CLNK: variants seen among roughly 807,000 people sequenced by gnomAD.
The protein encoded by CLNK is cytokine dependent hematopoietic cell linker.
In CLNK, 74 loss-of-function variants were observed where a neutral mutation model predicts 68.6. The observed-to-expected ratio is 1.08, with a 90% CI of 0.89 to 1.31. The LOEUF (loss-of-function observed/expected upper bound fraction) is 1.31, where lower values mean the gene tolerates loss of function less well. Ranked by LOEUF, CLNK falls within the 50% of genes most tolerant of loss-of-function variation. The pLI is 0.00. For synonymous variants in CLNK, 198 were observed against 172.2 expected (o/e 1.15, Z -1.17); for missense variants, 553 against 515.3 (o/e 1.07, Z -0.71).
intron 1 of CLNK, among the ~76,000 whole-genome samples, chr4:10,668,334 A>G (rs1171932830): frequency 6.6e-6 from 1 of 152,182 alleles, no homozygotes; most frequent in Non-Finnish European, 1.5e-5. Flanking sequence ...ACAGTTCTAT[A>G]TCACTTTACG....
chr4:10,563,283 A>G (rs766062423), intron 7 of CLNK, among the ~76,000 whole-genome samples: 1 of 152,252 alleles, frequency 6.6e-6, no homozygotes, highest in South Asian at 2.1e-4. Flanking sequence ...TTTAAAAAAT[A>G]CAACTGAAAA....
intron 5 of CLNK, among the ~76,000 whole-genome samples, chr4:10,568,572 CAAGA>C (rs1720214930): frequency 2.0e-5 from 3 of 152,024 alleles, no homozygotes; most frequent in Admixed American, 2.0e-4. Context: ...AGGAAGTAGA[CAAGA>C]AAGAAAGAGA....
chr4:10,621,667 GA>G (rs1425857770), intron 2 of CLNK, among the ~76,000 whole-genome samples: 1 of 152,046 alleles, frequency 6.6e-6, no homozygotes, highest in Non-Finnish European at 1.5e-5. Context: ...CCTCCAGGAT[GA>G]CATTAGGAAC....
the CLNK span, among the ~76,000 whole-genome samples, chr4:10,733,980 G>C: frequency 6.6e-6 from 1 of 152,142 alleles, no homozygotes; most frequent in Non-Finnish European, 1.5e-5. Flanking sequence ...TGGCCCATTA[G>C]AGATACATAT....
chr4:10,678,622 A>G (rs1724962714), intron 1 of CLNK, among the ~76,000 whole-genome samples: 1 of 152,180 alleles, frequency 6.6e-6, no homozygotes, highest in Non-Finnish European at 1.5e-5. Context: ...AATATCTAGA[A>G]AACCCCATCA....
Position 10,616,805 on chromosome 4 carries a change from TATATATATATATATATATAC to T in CLNK, c.12-18776_12-18757del, listed in dbSNP as rs1001433705. Among the ~76,000 whole-genome samples the T allele has an allele frequency of 1.6e-3, 120 of 77,368 alleles. 1 individual carries two copies. The highest frequency in any genetic ancestry group is 5.4e-3 in the African/African-American group (103 of 19,222). The allele number at this position is 77,368 out of a possible 152,430, so 50.8% of individuals were successfully genotyped here. A position where few individuals can be genotyped will look rare whatever the true frequency, so the allele number is the denominator to read the frequency against. ...GTGTGTGTGTGTATATATATATATA[TATATATATATATATATATAC>T]ACGCATTTTTTTTTCTAGAGAATTG... On this transcript the variant is annotated intron_variant, in intron 2 of 18. Transcript: ENST00000226951.
intron 14 of CLNK, among the ~76,000 whole-genome samples, chr4:10,524,575 C>T (rs1025946620): frequency 6.6e-6 from 1 of 152,126 alleles, no homozygotes; most frequent in South Asian, 2.1e-4. Flanking sequence ...CAGGGATAGT[C>T]AGGATTTATG....
At chr4:10,496,127 G>C (rs1228961700) in intron 18 of CLNK, among the ~76,000 whole-genome samples, 2 of 152,096 alleles carry the variant, frequency 1.3e-5, no homozygotes, top group Non-Finnish European at 2.9e-5. Flanking sequence ...ATCAACTCAT[G>C]TCACACTCAA....
chr4:10,605,708 G>A (rs184090362), intron 2 of CLNK, among the ~76,000 whole-genome samples: 121 of 149,882 alleles, frequency 8.1e-4, no homozygotes, highest in African/African-American at 2.8e-3. Flanking sequence ...CACACCTGTA[G>A]TCTCAGCTAC....
At chr4:10,563,249 T>TA (rs1719968834) in intron 7 of CLNK, among the ~76,000 whole-genome samples, 1 of 152,140 alleles carries the variant, frequency 6.6e-6, no homozygotes. Flanking sequence ...TGGTGCAAAC[T>TA]AAAAAAGAAT....
chr4:10,535,215 G>GAAAGAAAGAAAA (rs1491065085), intron 11 of CLNK, among the ~76,000 whole-genome samples: 6 of 67,930 alleles, frequency 8.8e-5, no homozygotes, highest in African/African-American at 4.2e-4. Context: ...GAAAGAAAGA[G>GAAAGAAAGAAAA]AAAGAAAGAA....
At chr4:10,567,529 T>C (rs1720168882) in intron 5 of CLNK, among the ~76,000 whole-genome samples, 1 of 152,136 alleles carries the variant, frequency 6.6e-6, no homozygotes, top group South Asian at 2.1e-4. Context: ...TAGGCAATGA[T>C]TACTTAGATA....
intron 3 of CLNK, among the ~76,000 whole-genome samples, chr4:10,597,227 T>G (rs1721418373): frequency 6.6e-6 from 1 of 152,192 alleles, no homozygotes; most frequent in South Asian, 2.1e-4. Context: ...TGAGGACCCT[T>G]GGGTGCCTCC....
intron 2 of CLNK, 63 bp downstream of exon 2, chr4:10,667,796 A>G (rs865866278): frequency 2.7e-6 from 4 of 1,476,052 alleles, no homozygotes; most frequent in Non-Finnish European, 3.6e-6. Flanking sequence ...ATCTTCCAGA[A>G]AACACCTCCT....
the CLNK span, among the ~76,000 whole-genome samples, chr4:10,693,939 T>A: frequency 6.6e-6 from 1 of 152,156 alleles, no homozygotes; most frequent in Non-Finnish European, 1.5e-5. Context: ...CCAGAAATCC[T>A]ATGAATAGCA....
chr4:10,653,379 T>C (rs1723832111), intron 2 of CLNK, among the ~76,000 whole-genome samples: 1 of 121,492 alleles, frequency 8.2e-6, no homozygotes, highest in South Asian at 2.6e-4. Flanking sequence ...GAACGTAAAA[T>C]AAACTCTCAA....
chr4:10,643,686 A>AC (rs2108877438), intron 2 of CLNK, among the ~76,000 whole-genome samples: 1 of 152,220 alleles, frequency 6.6e-6, no homozygotes, highest in East Asian at 1.9e-4. Flanking sequence ...TTTCTAATAT[A>AC]CCCCCAGTCA....
chr4:10,505,020 T>G (rs563832666), intron 17 of CLNK, among the ~76,000 whole-genome samples: 1 of 152,304 alleles, frequency 6.6e-6, no homozygotes, highest in African/African-American at 2.4e-5. Context: ...CATATTGCTT[T>G]TCCAGCACAA....
At chr4:10,608,402 T>A (rs1721868279) in intron 2 of CLNK, among the ~76,000 whole-genome samples, 1 of 152,180 alleles carries the variant, frequency 6.6e-6, no homozygotes, top group African/African-American at 2.4e-5. Context: ...GGTCTTCTGG[T>A]ACCAGCACAG....
Sources: gnomAD v4.1 joint callset for allele counts (sites outside exome capture counted in the v4.1 genomes callset) on GRCh38, gnomAD v4.1.1 for gene constraint, MANE v1.5 for transcripts, NCBI Gene and HGNC (gene_info 2026-07-23, HGNC 2026-07-21) for gene names.